The following MEP1B variants were observed in gnomAD, a reference collection of about 807,000 sequenced individuals.
The protein encoded by MEP1B is meprin A subunit beta, also known as N-benzoyl-L-tyrosyl-P-amino-benzoic acid hydrolase subunit beta.
MEP1B carries 80 observed loss-of-function variants against 84.6 expected under a neutral mutation model. The ratio of observed to expected loss-of-function variants is 0.95; its 90% CI spans 0.79 to 1.14. MEP1B has a LOEUF of 1.14. Among genes scored for constraint, MEP1B ranks in the 50% most tolerant of loss-of-function variants. The pLI, the probability that MEP1B is intolerant of heterozygous loss-of-function variation, is 0.00. For missense variants in MEP1B, 766 were observed against 855.1 expected, an observed-to-expected ratio of 0.90 and a Z score of 1.30; for synonymous variants, 273 against 288.1, an observed-to-expected ratio of 0.95 and a Z score of 0.53.
Position 32,196,987 on chromosome 18 carries a change from A to G in MEP1B, c.250+1502A>G, listed in dbSNP as rs1447840137. 4.4e-6 allele frequency: 1 copy of G among 226,142 alleles called. No homozygotes were observed. Among genetic ancestry groups the G allele is most frequent in the Admixed American group, 5.5e-5 (1 of 18,316 alleles). The allele number at this position is 226,142 out of a possible 1,614,324, so 14.0% of individuals were successfully genotyped here. ...TCACAGGGAGCCAGTCTTTATTTTA[A>G]AGCAGTGGTTTACCCTATGATCAAT... On this transcript the variant is annotated intron_variant, in intron 5 of 14. Transcript: ENST00000269202. This position sits in a 1 kb window ranked among gnomAD's most constrained non-coding sequence, Gnocchi z 4.4.
intron 12 of MEP1B, 115 bp from the exon 13 acceptor site, chr18:32,216,876 A>G: frequency 2.3e-6 from 3 of 1,298,820 alleles, no homozygotes; most frequent in Non-Finnish European, 3.1e-6. Flanking sequence ...TCTAAAAAAA[A>G]AAAAGAAAGA....
At chr18:32,205,721 G>C (rs1414562457) in intron 7 of MEP1B, among the ~76,000 whole-genome samples, 2 of 152,138 alleles carry the variant, frequency 1.3e-5, no homozygotes, top group Admixed American at 6.6e-5. Flanking sequence ...TTGCCCATTA[G>C]TATAATGCTA....
intron 10 of MEP1B, among the ~76,000 whole-genome samples, chr18:32,211,360 T>TA (rs2041026012): frequency 6.6e-6 from 1 of 152,218 alleles, no homozygotes; most frequent in South Asian, 2.1e-4. Context: ...GGCTCCTGGC[T>TA]AAATGTTAGT....
chr18:32,215,099 T>C lies in MEP1B; in HGVS notation c.1597T>C (p.Trp533Arg), dbSNP rs2041068212. 6.3e-7 allele frequency: 1 copy of C among 1,595,634 alleles called. No homozygotes were observed. The highest frequency in any genetic ancestry group is 1.4e-5 in the African/African-American group (1 of 73,850). ...FMTTDNGNYFWDRPSKVGTVA... is the reference protein window; with the variant it reads ...FMTTDNGNYFRDRPSKVGTVA... ...TTTTTCAGATAATGGAAACTATTTC[T>C]GGGACAGGCCTTCTAAAGTGGGAAC... Residue 533 changes from tryptophan (W) to arginine (R), a missense_variant, in exon 12 of 15, where the codon TGG (tryptophan) becomes CGG (arginine). Coordinates refer to ENST00000269202, the MANE Select transcript of MEP1B (RefSeq NM_005925.3).
Position 32,213,276 on chromosome 18 carries a change from G to A in MEP1B, c.1296G>A (p.Trp432Ter), listed in dbSNP as rs199912683. 1.1e-4 allele frequency: 183 copies of A among 1,613,908 alleles called. 1 individual carries two copies. The highest frequency in any genetic ancestry group is 9.9e-4 in the Middle Eastern group (6 of 6,062). ...LSETRCPHHI[W>*]HIRNFTQFIG... ...AAACACGGTGCCCTCATCATATCTG[G>A]CATATAAGGAATTTCACACAGTTCA... is the stretch of plus-strand genomic sequence containing the variant. Residue 432 changes from tryptophan (W) to a stop codon, truncating the protein, a stop_gained, in exon 11 of 15, where the codon TGG (tryptophan) becomes TGA (stop). Coordinates refer to ENST00000269202, the MANE Select transcript of MEP1B (RefSeq NM_005925.3). LOFTEE classifies it high-confidence loss of function.
Position 32,210,621 on chromosome 18 carries a change from A to T in MEP1B, c.1040A>T (p.Asn347Ile). The T allele has an allele frequency of 6.2e-7, 1 of 1,614,000 alleles. No homozygotes were observed. The highest frequency in any genetic ancestry group is 8.5e-7 in the Non-Finnish European group (1 of 1,179,870). ...CAGTGCCTGCAATTTTACTTATATA[A>T]CAGTGGCAGTGAAAGTGATCAACTG... is the stretch of plus-strand genomic sequence containing the variant. ...GFQCLQFYLYNSGSESDQLNI... is the reference protein window; with the variant it reads ...GFQCLQFYLYISGSESDQLNI... The change falls in exon 10 of 15, where the codon AAC becomes ATC. Residue 347 changes from asparagine to isoleucine, a missense_variant. Transcript: ENST00000269202.
At chr18:32,219,408 A>T (rs903036747) in intron 14 of MEP1B, among the ~76,000 whole-genome samples, 2 of 152,232 alleles carry the variant, frequency 1.3e-5, no homozygotes, top group Non-Finnish European at 2.9e-5. Flanking sequence ...TTTTAAGACA[A>T]CTTTCAGCTT....
chr18:32,207,685 T>C (rs2040980143), intron 8 of MEP1B, among the ~76,000 whole-genome samples: 1 of 152,172 alleles, frequency 6.6e-6, no homozygotes, highest in Non-Finnish European at 1.5e-5. Context: ...TAAAAACAAA[T>C]TGGGTCCTGT....
intron 7 of MEP1B, among the ~76,000 whole-genome samples, chr18:32,206,986 C>T (rs2040972109): frequency 1.3e-5 from 2 of 152,268 alleles, no homozygotes; most frequent in Admixed American, 6.5e-5. Flanking sequence ...TCCTCCTTTC[C>T]ACGAGCAATT....
chr18:32,192,150 C>T (rs930361658), intron 2 of MEP1B, among the ~76,000 whole-genome samples: 3 of 152,032 alleles, frequency 2.0e-5, no homozygotes, highest in African/African-American at 7.2e-5. Context: ...TAACAGTCTA[C>T]TCAGTATTCA....
At chr18:32,199,829 C>T (rs1027208715) in intron 5 of MEP1B, among the ~76,000 whole-genome samples, 12 of 152,152 alleles carry the variant, frequency 7.9e-5, no homozygotes, top group African/African-American at 2.9e-4. Context: ...TGCATGCCAC[C>T]ATGTCCAGCT....
chr18:32,207,570 GAT>G (rs757335030), intron 8 of MEP1B, 100 bp downstream of exon 8: 4 of 745,804 alleles, frequency 5.4e-6, no homozygotes, highest in Non-Finnish European at 9.1e-6. Flanking sequence ...GGGTTTCTGC[GAT>G]TATAGAGATT....
At chr18:32,201,313 C>A (rs73956823) in intron 5 of MEP1B, among the ~76,000 whole-genome samples, 1 of 142,544 alleles carries the variant, frequency 7.0e-6, no homozygotes, top group East Asian at 2.3e-4. Flanking sequence ...CACACACACA[C>A]ACACACACAC....
At chr18:32,216,668 T>C (rs892136301) in intron 12 of MEP1B, among the ~76,000 whole-genome samples, 2 of 152,212 alleles carry the variant, frequency 1.3e-5, no homozygotes, top group African/African-American at 4.8e-5. Context: ...TCGCTGCCTA[T>C]GAATGTTGCT....
intron 7 of MEP1B, among the ~76,000 whole-genome samples, chr18:32,205,724 TA>T (rs2040957757): frequency 6.6e-6 from 1 of 152,212 alleles, no homozygotes. Context: ...CCCATTAGTA[TA>T]ATGCTAAATG....
intron 11 of MEP1B, among the ~76,000 whole-genome samples, chr18:32,214,201 G>GT (rs1366349105): frequency 1.3e-5 from 2 of 152,134 alleles, no homozygotes; most frequent in Non-Finnish European, 2.9e-5. Context: ...TAATTTCTTA[G>GT]TAAAAAGTTA....
intron 5 of MEP1B, among the ~76,000 whole-genome samples, chr18:32,201,664 T>C (rs180829195): frequency 1.3e-5 from 2 of 152,224 alleles, no homozygotes; most frequent in Non-Finnish European, 1.5e-5. Context: ...AAATGTATGG[T>C]AAGGGTGATT....
rs560126769 is a variant in MEP1B, at chr18:32,215,692, C to T, written c.1759+431C>T. ...ATAAAAAATTAGCTGGGCGTGGTGGCGGGCGCCTGTAGTCCCAGCTACTCG... is the reference window on the plus strand; with the variant it reads ...ATAAAAAATTAGCTGGGCGTGGTGGTGGGCGCCTGTAGTCCCAGCTACTCG... On this transcript the variant is annotated intron_variant, in intron 12 of 14. Coordinates refer to ENST00000269202, the MANE Select transcript of MEP1B (RefSeq NM_005925.3). Among the ~76,000 whole-genome samples, 469 of 152,030 alleles carry T rather than the reference C, an allele frequency of 3.1e-3. 3 individuals are homozygous for T. The highest frequency in any genetic ancestry group is 5.4e-3 in the Non-Finnish European group (369 of 67,944).
At chr18:32,208,729 A>G (rs1177806730) in intron 9 of MEP1B, among the ~76,000 whole-genome samples, 3 of 152,232 alleles carry the variant, frequency 2.0e-5, no homozygotes, top group Non-Finnish European at 4.4e-5. Flanking sequence ...TTTTCTTCAG[A>G]TGCGTATCCT....
Sources: allele counts gnomAD v4.1 joint callset (sites outside exome capture counted in the v4.1 genomes callset), GRCh38; gene constraint gnomAD v4.1.1; non-coding constraint Gnocchi (gnomAD v3.1); transcripts MANE v1.5; gene names NCBI Gene and HGNC (gene_info 2026-07-23, HGNC 2026-07-21).